PPARGC1A: variants seen among roughly 807,000 people sequenced by gnomAD.
PPARGC1A encodes PPARG coactivator 1 alpha.
In PPARGC1A, 25 loss-of-function variants were observed where a neutral mutation model predicts 88.7. That is an observed-to-expected ratio of 0.28 (90% CI 0.21 to 0.39). PPARGC1A has a LOEUF of 0.39. Ranked by LOEUF, PPARGC1A falls within the 10% of genes least tolerant of loss-of-function variation. The pLI is 1.00. For missense variants in PPARGC1A, 880 were observed against 968.7 expected (o/e 0.91, Z 1.22); for synonymous variants, 363 against 355.6 (o/e 1.02, Z -0.24).
At chr4:23,922,488 G>A in the PPARGC1A span, among the ~76,000 whole-genome samples, 1 of 152,192 alleles carries the variant, frequency 6.6e-6, no homozygotes, top group Non-Finnish European at 1.5e-5. Context: ...TGTTTTAAGA[G>A]AGTTGGTTTT....
At chr4:24,240,618 AT>A in the PPARGC1A span, among the ~76,000 whole-genome samples, 1 of 152,172 alleles carries the variant, frequency 6.6e-6, no homozygotes, top group Non-Finnish European at 1.5e-5. Flanking sequence ...ACAGGAGGCA[AT>A]TTCACAAGCA....
the PPARGC1A span, among the ~76,000 whole-genome samples, chr4:24,302,086 A>G: frequency 6.6e-6 from 1 of 151,284 alleles, no homozygotes; most frequent in East Asian, 1.9e-4. Flanking sequence ...CATTCTCATC[A>G]CTCCCTTGCC....
the PPARGC1A span, among the ~76,000 whole-genome samples, chr4:23,919,568 G>A: frequency 4.8e-5 from 7 of 146,092 alleles, no homozygotes; most frequent in East Asian, 1.2e-3. Context: ...AAAAAGAAGT[G>A]AATTGTGAAT....
At chr4:23,942,678 C>G in the PPARGC1A span, among the ~76,000 whole-genome samples, 1 of 152,170 alleles carries the variant, frequency 6.6e-6, no homozygotes, top group Non-Finnish European at 1.5e-5. Context: ...AACACTACAT[C>G]TTGGAATTCA....
the PPARGC1A span, among the ~76,000 whole-genome samples, chr4:24,240,390 T>C: frequency 6.6e-6 from 1 of 152,272 alleles, no homozygotes; most frequent in African/African-American, 2.4e-5. Context: ...CCAATAAATA[T>C]CTTGGCAGTC....
At chr4:24,142,008 G>A in the PPARGC1A span, among the ~76,000 whole-genome samples, 2 of 152,124 alleles carry the variant, frequency 1.3e-5, no homozygotes, top group South Asian at 4.1e-4. Context: ...AACCTTTCGT[G>A]AGGCACTCAA....
At chr4:23,938,307 C>T in the PPARGC1A span, among the ~76,000 whole-genome samples, 1 of 152,166 alleles carries the variant, frequency 6.6e-6, no homozygotes, top group African/African-American at 2.4e-5. Flanking sequence ...GTAGAGGCAC[C>T]AAGGTACACT....
At chr4:23,937,941 C>T in the PPARGC1A span, among the ~76,000 whole-genome samples, 2,613 of 152,236 alleles carry the variant, frequency 0.017, 93 homozygotes, top group African/African-American at 0.059. Flanking sequence ...TGACAAGCAT[C>T]CTATTCATCT....
the PPARGC1A span, among the ~76,000 whole-genome samples, chr4:24,131,133 C>T: frequency 6.6e-6 from 1 of 152,088 alleles, no homozygotes; most frequent in African/African-American, 2.4e-5. Context: ...GGTGCCATGT[C>T]TATCTTTAGT....
the PPARGC1A span, among the ~76,000 whole-genome samples, chr4:24,101,084 C>T: frequency 6.6e-6 from 1 of 152,198 alleles, no homozygotes; most frequent in African/African-American, 2.4e-5. Context: ...ACCCAAATCT[C>T]ATATCGAATT....
At chr4:24,328,139 C>T in the PPARGC1A span, among the ~76,000 whole-genome samples, 926 of 152,100 alleles carry the variant, frequency 6.1e-3, 27 homozygotes, top group East Asian at 0.075. Context: ...CCCGCCTGCA[C>T]CCAGGTGAAA....
At chr4:24,074,691 A>G in the PPARGC1A span, among the ~76,000 whole-genome samples, 18 of 152,152 alleles carry the variant, frequency 1.2e-4, no homozygotes, top group Admixed American at 1.2e-3. Flanking sequence ...GTTAAATAAT[A>G]TGTTCTGTCG....
At chr4:23,948,669 G>A in the PPARGC1A span, among the ~76,000 whole-genome samples, 9 of 152,102 alleles carry the variant, frequency 5.9e-5, no homozygotes, top group African/African-American at 9.7e-5. Flanking sequence ...AGTGTGCTCC[G>A]AATAATTCCA....
At chr4:24,234,769 G>A in the PPARGC1A span, among the ~76,000 whole-genome samples, 354 of 152,212 alleles carry the variant, frequency 2.3e-3, 2 homozygotes, top group African/African-American at 7.8e-3. Context: ...GCTCTTTCAC[G>A]TAATCCAATA....
chr4:24,319,713 A>G, the PPARGC1A span, among the ~76,000 whole-genome samples: 1 of 152,228 alleles, frequency 6.6e-6, no homozygotes, highest in African/African-American at 2.4e-5. Context: ...TTCTCTCTGC[A>G]GTTACGGCTA....
chr4:23,818,517 C>G (rs1234972305), intron 7 of PPARGC1A, among the ~76,000 whole-genome samples: 1 of 152,102 alleles, frequency 6.6e-6, no homozygotes, highest in African/African-American at 2.4e-5. Context: ...CATATTTCAA[C>G]AGAGCACAAC....
chr4:24,432,281 G>A, the PPARGC1A span, among the ~76,000 whole-genome samples: 649 of 152,286 alleles, frequency 4.3e-3, 2 homozygotes, highest in Non-Finnish European at 7.5e-3. Flanking sequence ...AAGAGGAGGA[G>A]AAGATGTGCC....
the PPARGC1A span, among the ~76,000 whole-genome samples, chr4:24,342,050 C>T: frequency 1.3e-5 from 2 of 152,194 alleles, no homozygotes; most frequent in Non-Finnish European, 2.9e-5. Flanking sequence ...AACTTGTTTC[C>T]TCTTTTAGTA....
At chr4:24,246,795 T>C in the PPARGC1A span, among the ~76,000 whole-genome samples, 1 of 152,156 alleles carries the variant, frequency 6.6e-6, no homozygotes, top group Non-Finnish European at 1.5e-5. Flanking sequence ...AAACTCCTTC[T>C]CCTGCTCCAT....
Sources: gnomAD v4.1 joint callset for allele counts (sites outside exome capture counted in the v4.1 genomes callset) on GRCh38, gnomAD v4.1.1 for gene constraint, MANE v1.5 for transcripts, NCBI Gene and HGNC (gene_info 2026-07-23, HGNC 2026-07-21) for gene names.